RBL1: variants seen among roughly 807,000 people sequenced by gnomAD.
RBL1 encodes RB transcriptional corepressor like 1, also known as retinoblastoma-like protein 1.
A neutral mutation model predicts 123.0 loss-of-function variants in RBL1; 82 were observed. The ratio of observed to expected loss-of-function variants is 0.67; its 90% confidence interval spans 0.56 to 0.80. The LOEUF is 0.80. Among genes scored for constraint, RBL1 ranks in the 30% least tolerant of loss-of-function variants. RBL1 has a pLI of 0.00. For missense variants in RBL1, 1,171 were observed against 1,299.6 expected (o/e 0.90, Z 1.52); for synonymous variants, 405 against 441.3 (o/e 0.92, Z 1.03).
At chr20:37,068,814 A>G (rs6065660) in intron 2 of RBL1, among the ~76,000 whole-genome samples, 3,254 of 152,318 alleles carry the variant, frequency 0.021, 31 homozygotes, top group Non-Finnish European at 0.034. Flanking sequence ...CGTCTCTACT[A>G]CAAATACAAA....
At position 37,089,041 on chromosome 20, in the gene RBL1, T is replaced by C. The variant is rs775124715; in HGVS notation, c.238A>G (p.Met80Val). The change falls in exon 2 of 22, where the codon ATG becomes GTG. Residue 80 changes from methionine (M) to valine (V), a missense_variant. Coordinates refer to ENST00000373664, the MANE Select transcript of RBL1 (RefSeq NM_002895.5). ...SIIPTVGKGI[M>V]EGNCVSLTRI... ...GTAAGTGAAACACAGTTGCCTTCCA[T>C]GATACCCTTTCCAACCGTGGGAATA... 4.3e-6 allele frequency: 7 copies of C among 1,612,866 alleles called. No homozygotes were observed. Among genetic ancestry groups the C allele is most frequent in the Admixed American group, 3.3e-5 (2 of 59,858 alleles).
chr20:37,074,904 T>C (rs1284766582), intron 2 of RBL1, among the ~76,000 whole-genome samples: 1 of 152,142 alleles, frequency 6.6e-6, no homozygotes, highest in Admixed American at 6.6e-5. Flanking sequence ...AAAAAATATA[T>C]GTCCACATAA....
chr20:37,085,707 G>A lies in RBL1; in HGVS notation c.290+3282C>T, dbSNP rs2065532956. Among the ~76,000 whole-genome samples, 4 of 130,982 alleles carry A rather than the reference G, an allele frequency of 3.1e-5. No individual in the cohort carries two copies. The East Asian group carries it at 7.2e-4, about 23-fold the overall frequency. 85.9% of individuals were successfully genotyped at this position (130,982 alleles called of 152,430 possible). A position where few individuals can be genotyped will look rare whatever the true frequency, so the allele number is the denominator to read the frequency against. On this transcript the variant is annotated intron_variant, in intron 2 of 21. Coordinates refer to ENST00000373664, the MANE Select transcript of RBL1 (RefSeq NM_002895.5). Reference sequence around the variant, plus strand: ...CTCACTGTGTCACCTAGGCTGGAGTGCAATGGCGCAATCTCGGCTCGCTAT... The same window carrying A: ...CTCACTGTGTCACCTAGGCTGGAGTACAATGGCGCAATCTCGGCTCGCTAT...
chr20:37,080,454 C>T (rs1237383035), intron 2 of RBL1, among the ~76,000 whole-genome samples: 5 of 145,938 alleles, frequency 3.4e-5, no homozygotes, highest in African/African-American at 5.1e-5. Context: ...GCAATTTACT[C>T]TCTCTCTCTT....
chr20:37,035,576 CT>C, intron 14 of RBL1, 68 bp from the exon 15 acceptor site: 1 of 1,329,880 alleles, frequency 7.5e-7, no homozygotes, highest in South Asian at 1.6e-5. Flanking sequence ...TACTCATTCA[CT>C]CAACAGATAG....
intron 16 of RBL1, among the ~76,000 whole-genome samples, chr20:37,031,546 GA>G (rs2064511527): frequency 6.6e-6 from 1 of 152,070 alleles, no homozygotes; most frequent in Non-Finnish European, 1.5e-5. Flanking sequence ...AAACAAACCA[GA>G]AAACACGAAA....
chr20:37,003,995 GA>G (rs1360003652), intron 20 of RBL1, 129 bp from the exon 21 acceptor site: 26 of 602,436 alleles, frequency 4.3e-5, no homozygotes, highest in South Asian at 6.3e-5. Context: ...TTATGGTTGA[GA>G]AAAAAAATGA....
chr20:37,089,240 C>A, intron 1 of RBL1, 118 bp from the exon 2 acceptor site: 1 of 1,005,766 alleles, frequency 9.9e-7, no homozygotes, highest in Non-Finnish European at 1.4e-6. Context: ...GATAAAGGGC[C>A]AGAGAAGTGA....
chr20:36,999,885 C>A (rs576376465), intron 21 of RBL1, among the ~76,000 whole-genome samples: 2 of 152,156 alleles, frequency 1.3e-5, no homozygotes, highest in Non-Finnish European at 2.9e-5. Context: ...CGCAAAGTGC[C>A]GAGATTGCAG....
intron 2 of RBL1, among the ~76,000 whole-genome samples, chr20:37,069,661 G>T (rs1318460223): frequency 6.6e-6 from 1 of 151,232 alleles, no homozygotes; most frequent in Non-Finnish European, 1.5e-5. Context: ...CGTCTGAGAA[G>T]TGAGGAGCCT....
intron 19 of RBL1, among the ~76,000 whole-genome samples, chr20:37,012,483 C>T (rs1243548170): frequency 6.6e-6 from 1 of 150,818 alleles, no homozygotes; most frequent in Non-Finnish European, 1.5e-5. Flanking sequence ...GGCCGCCCAT[C>T]GTCTGAGATG....
chr20:37,047,211 C>G (rs764412354), intron 11 of RBL1, 21 bp from the exon 12 acceptor site: 1 of 1,569,608 alleles, frequency 6.4e-7, no homozygotes, highest in African/African-American at 1.4e-5. Context: ...AGAAAGACCA[C>G]AGTTTAATAT....
intron 2 of RBL1, among the ~76,000 whole-genome samples, chr20:37,083,931 G>A (rs1355443557): frequency 6.9e-6 from 1 of 145,808 alleles, no homozygotes; most frequent in African/African-American, 2.5e-5. Context: ...TTTTTTGAGA[G>A]TGGGTCTTGC....
intron 19 of RBL1, among the ~76,000 whole-genome samples, chr20:37,013,704 T>C (rs2064203317): frequency 6.6e-6 from 1 of 152,192 alleles, no homozygotes; most frequent in Non-Finnish European, 1.5e-5. Flanking sequence ...CTAAAAGCTC[T>C]GAGAAGTCCT....
rs534955829 is a variant in RBL1, at chr20:37,095,073, G to A, written c.156+700C>T. On this transcript the variant is annotated intron_variant, in intron 1 of 21. Transcript: ENST00000373664. ...CGAGGATAAAATGCAAGAATGATGG[G>A]GAAAAAAATCAAGTAATTATAACTG... Among the ~76,000 whole-genome samples, 3 of 152,218 alleles carry A rather than the reference G, an allele frequency of 2.0e-5. No individual in the cohort carries two copies. In the South Asian group the frequency reaches 6.2e-4, roughly 32 times the overall value.
chr20:37,066,969 T>C (rs1404506166), intron 5 of RBL1, 24 bp downstream of exon 5: 9 of 1,590,930 alleles, frequency 5.7e-6, no homozygotes, highest in Non-Finnish European at 7.7e-6. Flanking sequence ...TAATCAGTTT[T>C]CAAAAATAAA....
chr20:37,003,213 C>A (rs1019617757), intron 21 of RBL1, among the ~76,000 whole-genome samples: 2 of 152,130 alleles, frequency 1.3e-5, no homozygotes, highest in Admixed American at 1.3e-4. Flanking sequence ...GCTTGATAGT[C>A]CATGAAGTCT....
At position 36,998,832 on chromosome 20, in the gene RBL1, C is replaced by T. The variant is rs780115800; in HGVS notation, c.3134G>A (p.Arg1045His). ...AACGTCATCATTTTCTTGACAGACG[C>T]GTTTGGCAGGGGATTCTGCATCACT... ...IDSDAESPAK[R>H]VCQENDDVLL... Residue 1045 changes from arginine (R) to histidine (H), a missense_variant, in exon 22 of 22, where the codon CGC becomes CAC. By Grantham distance (29) the Arg-to-His change is conservative. Coordinates refer to ENST00000373664, the MANE Select transcript of RBL1 (RefSeq NM_002895.5). 50 of 1,613,518 alleles carry T rather than the reference C, an allele frequency of 3.1e-5. No individual in the cohort carries two copies. In the Middle Eastern group the frequency reaches 3.3e-3, roughly 106 times the overall value.
At chr20:37,058,005 A>G (rs1239685508) in intron 9 of RBL1, among the ~76,000 whole-genome samples, 1 of 151,860 alleles carries the variant, frequency 6.6e-6, no homozygotes, top group Admixed American at 6.6e-5. Context: ...CATGCCTGTC[A>G]TCCCAGCTAC....
Sources: gnomAD v4.1 joint callset for allele counts (sites outside exome capture counted in the v4.1 genomes callset) on GRCh38, gnomAD v4.1.1 for gene constraint, MANE v1.5 for transcripts, NCBI Gene and HGNC (gene_info 2026-07-23, HGNC 2026-07-21) for gene names.